Variants in COMMD1 observed in about 807,000 individuals in gnomAD.
COMMD1 encodes copper metabolism domain containing 1, also known as COMM domain-containing protein 1.
COMMD1 carries 10 observed loss-of-function variants against 17.2 expected under a neutral mutation model. The observed-to-expected ratio is 0.58, with a 90% CI of 0.36 to 0.99. COMMD1 has a LOEUF of 0.99. COMMD1 is among the 50% of genes least tolerant of loss of function. The probability of loss-of-function intolerance (pLI) is 0.01; values close to 1 mark genes in which losing one functional copy is unlikely to be tolerated. For synonymous variants in COMMD1, 97 were observed against 91.6 expected (o/e 1.06, Z -0.34); for missense variants, 270 against 231.8 (o/e 1.17, Z -1.07).
intron 2 of COMMD1, among the ~76,000 whole-genome samples, chr2:62,128,082 C>A (rs1360733621): frequency 1.3e-5 from 2 of 149,420 alleles, no homozygotes; most frequent in Admixed American, 6.7e-5. Flanking sequence ...AATCCCAGCA[C>A]TTTGGGAGGC....
intron 2 of COMMD1, among the ~76,000 whole-genome samples, chr2:62,109,201 G>A (rs985446406): frequency 6.6e-6 from 1 of 152,178 alleles, no homozygotes; most frequent in South Asian, 2.1e-4. Context: ...AGCATACCAA[G>A]AAATGAAAAC....
intron 2 of COMMD1, among the ~76,000 whole-genome samples, chr2:62,012,252 G>A (rs1669298653): frequency 7.5e-6 from 1 of 133,182 alleles, no homozygotes; most frequent in African/African-American, 2.9e-5. Flanking sequence ...GTGAGACCTT[G>A]TCTCAAACAC....
chr2:61,898,902 TTAA>T (rs1203152799), intron 1 of COMMD1, among the ~76,000 whole-genome samples: 3 of 152,154 alleles, frequency 2.0e-5, no homozygotes, highest in Non-Finnish European at 4.4e-5. Context: ...GTTTTGAGAG[TTAA>T]TAAAATAAAA....
upstream of COMMD1, among the ~76,000 whole-genome samples, chr2:61,901,898 A>G (rs1306728479): frequency 6.6e-6 from 1 of 151,918 alleles, no homozygotes; most frequent in East Asian, 2.0e-4. Flanking sequence ...CAGTGGCATG[A>G]TTTTGGCTCA....
At chr2:61,978,814 C>T (rs925215277) in intron 1 of COMMD1, among the ~76,000 whole-genome samples, 1 of 152,124 alleles carries the variant, frequency 6.6e-6, no homozygotes, top group Non-Finnish European at 1.5e-5. Context: ...TTTCCTAAGA[C>T]TTGAGCCAGA....
intron 2 of COMMD1, among the ~76,000 whole-genome samples, chr2:62,066,101 G>A (rs1671030448): frequency 6.6e-6 from 1 of 152,168 alleles, no homozygotes; most frequent in Admixed American, 6.5e-5. Context: ...AATTTGAATT[G>A]ACTAAGGGTA....
intron 2 of COMMD1, among the ~76,000 whole-genome samples, chr2:62,117,607 A>G (rs764384952): frequency 6.6e-6 from 1 of 152,190 alleles, no homozygotes. Context: ...GGATAAAATT[A>G]TTCTCACCAA....
intron 1 of COMMD1, among the ~76,000 whole-genome samples, chr2:61,969,890 AAT>A (rs1332927400): frequency 6.6e-6 from 1 of 152,110 alleles, no homozygotes; most frequent in African/African-American, 2.4e-5. Flanking sequence ...ACAATCCAGC[AAT>A]ATGTTTTTTT....
At chr2:61,956,738 A>G (rs925720815) in intron 1 of COMMD1, among the ~76,000 whole-genome samples, 3 of 149,726 alleles carry the variant, frequency 2.0e-5, no homozygotes, top group Non-Finnish European at 4.4e-5. Flanking sequence ...AAGAAAGCGC[A>G]TAGTTTTTTT....
intron 2 of COMMD1, among the ~76,000 whole-genome samples, chr2:62,119,490 C>T (rs1301483487): frequency 1.3e-5 from 2 of 152,176 alleles, no homozygotes; most frequent in Non-Finnish European, 2.9e-5. Context: ...AAACAAAATC[C>T]AAAACTTTTT....
chr2:62,048,263 A>G (rs974742299), intron 2 of COMMD1, among the ~76,000 whole-genome samples: 3 of 149,880 alleles, frequency 2.0e-5, no homozygotes, highest in Admixed American at 2.0e-4. Flanking sequence ...GCTCACTGCA[A>G]CCTCCGCCTC....
chr2:61,986,756 A>G (rs1033137749), intron 1 of COMMD1, among the ~76,000 whole-genome samples: 7 of 151,290 alleles, frequency 4.6e-5, no homozygotes, highest in Non-Finnish European at 1.0e-4. Flanking sequence ...TTTATTAGAG[A>G]CCAGGTTTTG....
At chr2:61,957,348 T>C (rs1242441741) in intron 1 of COMMD1, among the ~76,000 whole-genome samples, 1 of 152,178 alleles carries the variant, frequency 6.6e-6, no homozygotes, top group African/African-American at 2.4e-5. Context: ...TAGCACTTCC[T>C]GTACCCCATC....
intron 2 of COMMD1, among the ~76,000 whole-genome samples, chr2:62,023,093 G>A (rs1669653689): frequency 2.0e-5 from 3 of 152,250 alleles, no homozygotes; most frequent in Admixed American, 2.0e-4. Context: ...GGGCATGGTG[G>A]CACATGCCTG....
At chr2:62,081,920 T>C (rs1671534457) in intron 2 of COMMD1, among the ~76,000 whole-genome samples, 1 of 152,240 alleles carries the variant, frequency 6.6e-6, no homozygotes, top group Admixed American at 6.5e-5. Context: ...TGTTTTGGGT[T>C]TTTATGTTTG....
At chr2:62,109,505 T>C (rs17019207) in intron 2 of COMMD1, among the ~76,000 whole-genome samples, 4,518 of 152,340 alleles carry the variant, frequency 0.03, 108 homozygotes, top group East Asian at 0.084. Flanking sequence ...GCTTTTATTA[T>C]ATCGTCTTCT....
At chr2:61,941,021 C>CT (rs1184664785) in intron 1 of COMMD1, among the ~76,000 whole-genome samples, 4 of 147,616 alleles carry the variant, frequency 2.7e-5, no homozygotes, top group Non-Finnish European at 5.9e-5. Context: ...TTTCCTTTCC[C>CT]TTTTTTTTGT....
At chr2:62,020,642 A>C (rs553919329) in intron 2 of COMMD1, among the ~76,000 whole-genome samples, 1 of 152,304 alleles carries the variant, frequency 6.6e-6, no homozygotes, top group South Asian at 2.1e-4. Flanking sequence ...AATCTCTTTG[A>C]GATAAGCCAT....
intron 1 of COMMD1, among the ~76,000 whole-genome samples, chr2:61,891,553 T>A (rs940955729): frequency 6.6e-5 from 10 of 151,594 alleles, no homozygotes; most frequent in African/African-American, 2.4e-4. Context: ...GATGGTGAAA[T>A]CCCATCTCTA....
Sources: allele counts gnomAD v4.1 joint callset (sites outside exome capture counted in the v4.1 genomes callset), GRCh38; gene constraint gnomAD v4.1.1; transcripts MANE v1.5; gene names NCBI Gene and HGNC (gene_info 2026-07-23, HGNC 2026-07-21).